The following SEMA6D variants were observed in gnomAD, a reference collection of about 807,000 sequenced individuals.
SEMA6D encodes the protein semaphorin 6D, also known as semaphorin-6D.
In SEMA6D, 35 loss-of-function variants were observed where a neutral mutation model predicts 106.6. The observed-to-expected ratio is 0.33, with a 90% confidence interval of 0.25 to 0.44. SEMA6D has a LOEUF of 0.44. Among genes scored for constraint, SEMA6D ranks in the 20% least tolerant of loss-of-function variants. The pLI is 1.00. For missense variants in SEMA6D, 1,185 were observed against 1,345.9 expected, an observed-to-expected ratio of 0.88 and a Z score of 1.87; for synonymous variants, 499 against 487.7, an observed-to-expected ratio of 1.02 and a Z score of -0.31.
chr15:47,422,755 A>G (rs2041213525), intron 2 of SEMA6D, among the ~76,000 whole-genome samples: 1 of 152,110 alleles, frequency 6.6e-6, no homozygotes, highest in African/African-American at 2.4e-5. Flanking sequence ...TGCAAGAGGC[A>G]TTTTGGAACC....
chr15:47,232,710 A>AT (rs1286186873), intron 1 of SEMA6D, among the ~76,000 whole-genome samples: 1 of 151,684 alleles, frequency 6.6e-6, no homozygotes, highest in Admixed American at 6.6e-5. Flanking sequence ...TCATGTGCTT[A>AT]TTTTCCATTC....
intron 4 of SEMA6D, among the ~76,000 whole-genome samples, chr15:47,660,784 T>G (rs74556520): frequency 0.036 from 5,470 of 152,296 alleles, 129 homozygotes; most frequent in East Asian, 0.047. Flanking sequence ...AAAAGTTGAT[T>G]TTTCATTTTA....
chr15:47,337,471 C>T (rs935160956), intron 1 of SEMA6D, among the ~76,000 whole-genome samples: 22 of 151,936 alleles, frequency 1.4e-4, no homozygotes, highest in Non-Finnish European at 2.8e-4. Context: ...CTGAAGTGGG[C>T]TTTGCTTACC....
At chr15:47,529,641 G>A (rs1455589877) in intron 3 of SEMA6D, among the ~76,000 whole-genome samples, 1 of 149,442 alleles carries the variant, frequency 6.7e-6, no homozygotes, top group African/African-American at 2.5e-5. Context: ...TCACTTTGAG[G>A]CACACTTTTT....
At chr15:47,758,276 T>G (rs1445690532) in intron 1 of SEMA6D, among the ~76,000 whole-genome samples, 1 of 152,228 alleles carries the variant, frequency 6.6e-6, no homozygotes, top group African/African-American at 2.4e-5. Context: ...GTGCTTCACC[T>G]GAAGTCCATA....
intron 1 of SEMA6D, among the ~76,000 whole-genome samples, chr15:47,254,788 C>G (rs759959020): frequency 6.6e-6 from 1 of 151,186 alleles, no homozygotes; most frequent in African/African-American, 2.4e-5. Context: ...GGTGAATAAT[C>G]TTTTTAATGT....
intron 3 of SEMA6D, among the ~76,000 whole-genome samples, chr15:47,506,424 A>G (rs2044038576): frequency 6.6e-6 from 1 of 152,172 alleles, no homozygotes; most frequent in Non-Finnish European, 1.5e-5. Flanking sequence ...GGAACAGAGG[A>G]CATGTTAAGC....
At chr15:47,227,476 C>CTTTCTT (rs1356150360) in intron 1 of SEMA6D, among the ~76,000 whole-genome samples, 2 of 53,390 alleles carry the variant, frequency 3.7e-5, no homozygotes, top group Admixed American at 4.1e-4. Flanking sequence ...TTTTCTTTCT[C>CTTTCTT]TTTCTTTTTC....
chr15:47,202,413 G>A (rs886948753), intron 1 of SEMA6D, among the ~76,000 whole-genome samples: 26 of 151,958 alleles, frequency 1.7e-4, no homozygotes, highest in Non-Finnish European at 2.9e-4. Context: ...TGGCCTTCCA[G>A]GGACATTCGA....
At chr15:47,662,778 T>C (rs961841994) in intron 4 of SEMA6D, among the ~76,000 whole-genome samples, 4 of 151,962 alleles carry the variant, frequency 2.6e-5, no homozygotes, top group Non-Finnish European at 4.4e-5. Flanking sequence ...AGATGGCATT[T>C]CACCTAGATT....
intron 1 of SEMA6D, among the ~76,000 whole-genome samples, chr15:47,352,840 G>C (rs568164651): frequency 6.6e-6 from 1 of 152,280 alleles, no homozygotes; most frequent in East Asian, 1.9e-4. Context: ...AGTCACCCAA[G>C]AGGGTTTATC....
chr15:47,379,025 T>C (rs1272719329), intron 1 of SEMA6D, among the ~76,000 whole-genome samples: 1 of 152,240 alleles, frequency 6.6e-6, no homozygotes, highest in African/African-American at 2.4e-5. Context: ...GGTAGAATTA[T>C]GTTGGAAGAT....
intron 4 of SEMA6D, among the ~76,000 whole-genome samples, chr15:47,650,063 G>T (rs115027784): frequency 6.6e-6 from 1 of 152,138 alleles, no homozygotes; most frequent in African/African-American, 2.4e-5. Flanking sequence ...TATACTGAGC[G>T]CCTGGATGTG....
At chr15:47,261,989 C>T (rs1191469292) in intron 1 of SEMA6D, among the ~76,000 whole-genome samples, 1 of 151,972 alleles carries the variant, frequency 6.6e-6, no homozygotes, top group African/African-American at 2.4e-5. Flanking sequence ...TATAAACAAT[C>T]TTATACAGCA....
At chr15:47,598,258 G>T (rs76465975) in intron 3 of SEMA6D, among the ~76,000 whole-genome samples, 4 of 152,054 alleles carry the variant, frequency 2.6e-5, no homozygotes, top group Admixed American at 6.6e-5. Context: ...GGGCACTTCA[G>T]TGCCCTCATA....
intron 3 of SEMA6D, among the ~76,000 whole-genome samples, chr15:47,475,291 G>T (rs188826692): frequency 7.9e-5 from 12 of 152,132 alleles, no homozygotes; most frequent in African/African-American, 2.9e-4. Context: ...TAATTTTATT[G>T]ATGTTGCATA....
At chr15:47,550,459 G>A (rs2045651101) in intron 3 of SEMA6D, among the ~76,000 whole-genome samples, 1 of 152,124 alleles carries the variant, frequency 6.6e-6, no homozygotes, top group Non-Finnish European at 1.5e-5. Context: ...TTTATGTATA[G>A]ATATGGATAG....
intron 3 of SEMA6D, among the ~76,000 whole-genome samples, chr15:47,547,473 G>A (rs2045558952): frequency 6.6e-6 from 1 of 152,054 alleles, no homozygotes; most frequent in Non-Finnish European, 1.5e-5. Flanking sequence ...CTTTGGTTTT[G>A]CTTTCGTTTT....
intron 2 of SEMA6D, among the ~76,000 whole-genome samples, chr15:47,437,843 TAACCCC>T (rs1302916518): frequency 2.0e-5 from 3 of 152,100 alleles, no homozygotes; most frequent in Non-Finnish European, 4.4e-5. Context: ...GCACCAAAAA[TAACCCC>T]TTAAAATTAT....
Sources: gnomAD v4.1 joint callset for allele counts (sites outside exome capture counted in the v4.1 genomes callset) on GRCh38, gnomAD v4.1.1 for gene constraint, MANE v1.5 for transcripts, NCBI Gene and HGNC (gene_info 2026-07-23, HGNC 2026-07-21) for gene names.